The following KDM5A variants were observed in gnomAD, a reference collection of about 807,000 sequenced individuals.
KDM5A encodes lysine-specific demethylase 5A.
KDM5A carries 42 observed loss-of-function variants against 193.5 expected under a neutral mutation model. That is an observed-to-expected ratio of 0.22 (90% CI 0.17 to 0.28). KDM5A has a LOEUF of 0.28. KDM5A is among the 10% of genes least tolerant of loss of function. The pLI is 1.00. For missense variants in KDM5A, 1,692 were observed against 2,055.1 expected (o/e 0.82, Z 3.42); for synonymous variants, 796 against 718.1 (o/e 1.11, Z -1.73).
intron 10 of KDM5A, among the ~76,000 whole-genome samples, chr12:336,259 T>C (rs1943931632): frequency 6.7e-6 from 1 of 149,004 alleles, no homozygotes. Flanking sequence ...CTAGGGATGC[T>C]GAGGTGGGAG....
intron 27 of KDM5A, among the ~76,000 whole-genome samples, chr12:290,681 C>T (rs1943281227): frequency 6.6e-6 from 1 of 151,436 alleles, no homozygotes; most frequent in Non-Finnish European, 1.5e-5. Flanking sequence ...TTTGAATAGG[C>T]AGGGCACCTG....
Position 284,198 on chromosome 12 carries a change from T to TA in KDM5A, c.*1257dup. ...GATTTTTGATGTTGAAACTCTGTCA[T>TA]ATGCTGCTGGTAACAGTAAATATAT... On this transcript the variant is annotated 3_prime_UTR_variant, in exon 28 of 28. Coordinates refer to ENST00000399788, the MANE Select transcript of KDM5A (RefSeq NM_001042603.3). 1 of 227,646 alleles carries TA rather than the reference T, an allele frequency of 4.4e-6. No individual in the cohort carries two copies. Among genetic ancestry groups the TA allele is most frequent in the African/African-American group, 2.2e-5 (1 of 45,062 alleles). The allele number at this position is 227,646 out of a possible 1,614,324, so 14.1% of individuals were successfully genotyped here. A position where few individuals can be genotyped will look rare whatever the true frequency, so the allele number is the denominator to read the frequency against.
At chr12:370,718 A>T (rs1457066139) in intron 3 of KDM5A, among the ~76,000 whole-genome samples, 1 of 152,124 alleles carries the variant, frequency 6.6e-6, no homozygotes, top group African/African-American at 2.4e-5. Flanking sequence ...TGCACACATT[A>T]ACTAATCACT....
chr12:367,241 G>A (rs1411098288), intron 3 of KDM5A, among the ~76,000 whole-genome samples: 1 of 152,202 alleles, frequency 6.6e-6, no homozygotes, highest in Non-Finnish European at 1.5e-5. Flanking sequence ...ATATACTACT[G>A]TATCTTACTA....
intron 10 of KDM5A, 53 bp downstream of exon 10, chr12:350,568 A>C: frequency 6.3e-7 from 1 of 1,582,064 alleles, no homozygotes; most frequent in South Asian, 1.1e-5. Flanking sequence ...ATAGTTTTCA[A>C]TGCAAAAGCT....
chr12:342,767 T>C (rs537387896), intron 10 of KDM5A, among the ~76,000 whole-genome samples: 36 of 143,380 alleles, frequency 2.5e-4, no homozygotes, highest in African/African-American at 8.3e-4. Flanking sequence ...TGGCCTAAAA[T>C]GTGATTTAAA....
At position 282,646 on chromosome 12, in the gene KDM5A, T is replaced by C. The variant is rs1943170045; in HGVS notation, c.*2810A>G. 1 of 233,000 alleles carries C rather than the reference T, an allele frequency of 4.3e-6. No individual in the cohort carries two copies. Among genetic ancestry groups the C allele is most frequent in the South Asian group, 1.8e-4 (1 of 5,540 alleles). 14.4% of individuals were successfully genotyped at this position (233,000 alleles called of 1,614,324 possible). On this transcript the variant is annotated 3_prime_UTR_variant, in exon 28 of 28. Coordinates refer to ENST00000399788, the MANE Select transcript of KDM5A (RefSeq NM_001042603.3). Reference sequence around the variant, plus strand: ...TTTTAAGAATACCACAGGCCTACCATATTTCCATTTTTCTTTCTATAACCT... The same window carrying C: ...TTTTAAGAATACCACAGGCCTACCACATTTCCATTTTTCTTTCTATAACCT...
intron 5 of KDM5A, among the ~76,000 whole-genome samples, chr12:356,995 G>A (rs985104978): frequency 7.9e-5 from 12 of 152,266 alleles, no homozygotes; most frequent in African/African-American, 2.6e-4. Context: ...AATAAAAGGC[G>A]AATGGCCAGA....
At chr12:375,304 CACTT>C (rs1397217434) in intron 3 of KDM5A, among the ~76,000 whole-genome samples, 3 of 152,136 alleles carry the variant, frequency 2.0e-5, no homozygotes, top group Admixed American at 1.3e-4. Flanking sequence ...GTTCTCTTCT[CACTT>C]CATTTCATTA....
intron 4 of KDM5A, among the ~76,000 whole-genome samples, chr12:364,845 A>G (rs1944336716): frequency 6.6e-6 from 1 of 151,028 alleles, no homozygotes; most frequent in Non-Finnish European, 1.5e-5. Context: ...CAGCAATTCC[A>G]CTCCCAAGTA....
At position 384,140 on chromosome 12, in the gene KDM5A, A is replaced by G; in HGVS notation, c.257T>C (p.Val86Ala). The G allele has an allele frequency of 1.3e-6, 2 of 1,592,820 alleles. No homozygotes were observed. Among genetic ancestry groups the G allele is most frequent in the Non-Finnish European group, 1.7e-6 (2 of 1,160,600 alleles). The change falls in exon 3 of 28, where the codon GTG becomes GCG. Residue 86 changes from valine to alanine, a missense_variant. Val to Ala is a moderately conservative substitution (Grantham distance 64). Coordinates refer to ENST00000399788, the MANE Select transcript of KDM5A (RefSeq NM_001042603.3). ...RLNELEAMTR[V>A]RLDFLDQLAK... ...TAGTTGATCCAAGAAATCCAATCTC[A>G]CTCTGGTCATTGCCTAAGATTATTA...
In KDM5A at chr12:295,732, A is replaced by G; in HGVS notation, c.4296T>C (p.Pro1432=). The G allele has an allele frequency of 6.2e-7, 1 of 1,614,098 alleles. No individual in the cohort carries two copies. The highest frequency in any genetic ancestry group is 8.5e-7 in the Non-Finnish European group (1 of 1,179,984). The change falls in exon 26 of 28, where the codon CCT becomes CCC. Residue 1432 remains proline (P), a synonymous_variant. Transcript: ENST00000399788. ...CTCCAGGTGACAACTCCAGCACTGG[A>G]GGTTCCAAACTTCGGGGCACCAAAG... ...KSPLVPRSLE[P]PVLELSPGAK...
Position 284,033 on chromosome 12 carries a change from A to G in KDM5A, c.*1423T>C, listed in dbSNP as rs1156790716. 1.3e-5 allele frequency: 3 copies of G among 233,246 alleles called. No individual in the cohort carries two copies. In the East Asian group the frequency reaches 1.8e-4, roughly 14 times the overall value. The allele number at this position is 233,246 out of a possible 1,614,324, so 14.4% of individuals were successfully genotyped here. ...ACAAGTCCCAACACACAAAGGACAT[A>G]TAATTATCTATATGAACAAAAGCAA... On this transcript the variant is annotated 3_prime_UTR_variant, in exon 28 of 28. Transcript: ENST00000399788.
intron 17 of KDM5A, 149 bp from the exon 18 acceptor site, chr12:321,258 C>A: frequency 3.0e-6 from 2 of 661,124 alleles, no homozygotes; most frequent in South Asian, 1.7e-5. Context: ...CACTTCAAAA[C>A]AGTTGAGTTA....
At chr12:355,810 T>C (rs963484005) in intron 6 of KDM5A, among the ~76,000 whole-genome samples, 10 of 152,212 alleles carry the variant, frequency 6.6e-5, no homozygotes, top group African/African-American at 2.4e-4. Context: ...TTTGTGACTG[T>C]AGCATTTCAT....
At chr12:387,487 AG>A (rs1410736282) in intron 1 of KDM5A, among the ~76,000 whole-genome samples, 1 of 152,234 alleles carries the variant, frequency 6.6e-6, no homozygotes, top group Non-Finnish European at 1.5e-5. Context: ...TAATTATGAT[AG>A]AAAAAAGGGT....
chr12:366,971 G>T (rs780111110), intron 3 of KDM5A, among the ~76,000 whole-genome samples: 2 of 152,178 alleles, frequency 1.3e-5, no homozygotes, highest in Admixed American at 1.3e-4. Flanking sequence ...ACTGCCTACA[G>T]TATTCAGTAG....
At chr12:301,209 G>T (rs760009956) in intron 24 of KDM5A, among the ~76,000 whole-genome samples, 34 of 152,080 alleles carry the variant, frequency 2.2e-4, no homozygotes, top group Non-Finnish European at 4.3e-4. Context: ...AACAAAACCC[G>T]GCAGAGACAC....
At chr12:292,674 A>T (rs1218146549) in intron 27 of KDM5A, 85 bp downstream of exon 27, 1 of 1,552,022 alleles carries the variant, frequency 6.4e-7, no homozygotes, top group Non-Finnish European at 8.9e-7. Context: ...AACCAAAAAC[A>T]TACTACACAT....
Sources: allele counts gnomAD v4.1 joint callset (sites outside exome capture counted in the v4.1 genomes callset), GRCh38; gene constraint gnomAD v4.1.1; transcripts MANE v1.5; gene names NCBI Gene and HGNC (gene_info 2026-07-23, HGNC 2026-07-21).